Variants in ZNF521 observed in about 807,000 individuals in gnomAD.
ZNF521 encodes the protein zinc finger protein 521.
Under a neutral mutation model 105.5 loss-of-function variants are expected in ZNF521, and 14 were observed. The ratio of observed to expected loss-of-function variants is 0.13; its 90% CI spans 0.09 to 0.21. ZNF521 has a LOEUF of 0.21. ZNF521 is among the 10% of genes least tolerant of loss of function. ZNF521 has a pLI of 1.00. For synonymous variants in ZNF521, 635 were observed against 606.0 expected (o/e 1.05, Z -0.70); for missense variants, 1,233 against 1,629.7 (o/e 0.76, Z 4.19).
chr18:25,278,629 C>T (rs914074882), intron 3 of ZNF521, among the ~76,000 whole-genome samples: 5 of 152,154 alleles, frequency 3.3e-5, no homozygotes, highest in African/African-American at 1.2e-4. Flanking sequence ...GGCCCTTGCT[C>T]AGGTTGTTTA....
At chr18:25,260,716 C>T (rs1333123852) in intron 3 of ZNF521, among the ~76,000 whole-genome samples, 2 of 152,100 alleles carry the variant, frequency 1.3e-5, no homozygotes, top group South Asian at 2.1e-4. Flanking sequence ...ATGTGTCTTA[C>T]GTATTCTTAT....
chr18:25,223,378 G>C (rs949761930), intron 4 of ZNF521, among the ~76,000 whole-genome samples: 4 of 152,160 alleles, frequency 2.6e-5, no homozygotes, highest in Admixed American at 1.3e-4. Flanking sequence ...ATGGCTATCT[G>C]CAGGGAGCCA....
At chr18:25,111,683 G>C (rs1249861917) in intron 5 of ZNF521, among the ~76,000 whole-genome samples, 1 of 152,140 alleles carries the variant, frequency 6.6e-6, no homozygotes, top group Non-Finnish European at 1.5e-5. Flanking sequence ...TTTTTAAGGG[G>C]CTAAACTGCC....
At chr18:25,194,930 T>C (rs2035878058) in intron 5 of ZNF521, among the ~76,000 whole-genome samples, 1 of 151,690 alleles carries the variant, frequency 6.6e-6, no homozygotes, top group Admixed American at 6.6e-5. Flanking sequence ...ACCTGTGTTT[T>C]GACTGGCAGT....
intron 5 of ZNF521, among the ~76,000 whole-genome samples, chr18:25,120,956 G>T (rs1484310042): frequency 6.6e-6 from 1 of 152,052 alleles, no homozygotes; most frequent in Non-Finnish European, 1.5e-5. Flanking sequence ...CCTGGTTCAG[G>T]TCATGGGTCA....
rs889217412 is a variant in ZNF521 at position 25,321,945 on chromosome 18, C to T, written c.220+63G>A. 3.4e-6 allele frequency: 5 copies of T among 1,470,344 alleles called. No homozygotes were observed. In the African/African-American group the frequency reaches 5.6e-5, roughly 17 times the overall value. 91.1% of individuals were successfully genotyped at this position (1,470,344 alleles called of 1,614,324 possible). On this transcript the variant is annotated intron_variant, in intron 3 of 7. Coordinates refer to ENST00000361524, the MANE Select transcript of ZNF521 (RefSeq NM_015461.3). ...TTGAAGAGAAAAACACATAAAGGAA[C>T]AAACTGAAAAAATCAGAAATAGAAC...
At chr18:25,154,330 C>T (rs1372983741) in intron 5 of ZNF521, among the ~76,000 whole-genome samples, 1 of 152,092 alleles carries the variant, frequency 6.6e-6, no homozygotes, top group Non-Finnish European at 1.5e-5. Flanking sequence ...TAATTAATTA[C>T]CAAGGTTTAT....
intron 3 of ZNF521, among the ~76,000 whole-genome samples, chr18:25,228,544 C>G (rs1906323094): frequency 6.6e-6 from 1 of 152,196 alleles, no homozygotes; most frequent in African/African-American, 2.4e-5. Flanking sequence ...CTTCCTTTTG[C>G]AAAAGCTTCA....
intron 3 of ZNF521, among the ~76,000 whole-genome samples, chr18:25,319,828 T>C (rs1418406865): frequency 6.6e-6 from 1 of 152,084 alleles, no homozygotes; most frequent in Non-Finnish European, 1.5e-5. Context: ...CTGAGAAGGG[T>C]GCAATATCAC....
At chr18:25,272,824 T>C (rs866900874) in intron 3 of ZNF521, among the ~76,000 whole-genome samples, 62 of 152,192 alleles carry the variant, frequency 4.1e-4, no homozygotes, top group African/African-American at 1.4e-3. Flanking sequence ...GACGGGTTGA[T>C]AGGTGCAGCC....
At chr18:25,181,277 G>T (rs2035627027) in intron 5 of ZNF521, among the ~76,000 whole-genome samples, 1 of 152,120 alleles carries the variant, frequency 6.6e-6, no homozygotes, top group African/African-American at 2.4e-5. Flanking sequence ...CAGGAGCAAG[G>T]CCAGGTTCAC....
chr18:25,177,041 C>A (rs376301303), intron 5 of ZNF521, among the ~76,000 whole-genome samples: 38 of 152,262 alleles, frequency 2.5e-4, no homozygotes, highest in African/African-American at 8.2e-4. Flanking sequence ...TTACACACAG[C>A]GAACAGTTTT....
chr18:25,343,024 A>G (rs905656017), intron 2 of ZNF521, among the ~76,000 whole-genome samples: 1 of 152,212 alleles, frequency 6.6e-6, no homozygotes, highest in Non-Finnish European at 1.5e-5. Context: ...AGAAACTCCT[A>G]TAATATGGCA....
At chr18:25,349,782 C>T (rs1914636460) in intron 2 of ZNF521, among the ~76,000 whole-genome samples, 1 of 150,372 alleles carries the variant, frequency 6.7e-6, no homozygotes, top group African/African-American at 2.4e-5. Flanking sequence ...CGGCGGGACC[C>T]AGCGGGCCCG....
chr18:25,073,512 T>G (rs2033276775), intron 7 of ZNF521, among the ~76,000 whole-genome samples: 1 of 152,220 alleles, frequency 6.6e-6, no homozygotes, highest in African/African-American at 2.4e-5. Context: ...AGCAGGGCAT[T>G]GATTTAAAAA....
intron 3 of ZNF521, among the ~76,000 whole-genome samples, chr18:25,269,005 AC>A (rs1261117247): frequency 3.3e-5 from 5 of 151,788 alleles, no homozygotes; most frequent in African/African-American, 1.2e-4. Context: ...AAGAGTCAAG[AC>A]CCATTGGTGT....
chr18:25,284,310 C>A (rs1362379948), intron 3 of ZNF521, among the ~76,000 whole-genome samples: 1 of 152,192 alleles, frequency 6.6e-6, no homozygotes. Flanking sequence ...AACATTTACA[C>A]ACACACACAT....
At chr18:25,089,634 C>T in intron 6 of ZNF521, 54 bp from the exon 7 acceptor site, 5 of 1,411,772 alleles carry the variant, frequency 3.5e-6, no homozygotes, top group South Asian at 3.5e-5. Flanking sequence ...GAAATGCCCT[C>T]AGTCGATGAC....
intron 7 of ZNF521, among the ~76,000 whole-genome samples, chr18:25,065,703 T>C (rs2033041059): frequency 6.6e-6 from 1 of 152,096 alleles, no homozygotes; most frequent in South Asian, 2.1e-4. Flanking sequence ...ACACTCCACA[T>C]GTGATTGGAT....
Sources: gnomAD v4.1 joint callset for allele counts (sites outside exome capture counted in the v4.1 genomes callset) on GRCh38, gnomAD v4.1.1 for gene constraint, MANE v1.5 for transcripts, NCBI Gene and HGNC (gene_info 2026-07-23, HGNC 2026-07-21) for gene names.